The following CCDC32 variants were observed in gnomAD, a reference collection of about 807,000 sequenced individuals.
CCDC32 encodes the protein coiled-coil domain containing 32.
CCDC32 carries 9 observed loss-of-function variants against 20.1 expected under a neutral mutation model. The observed-to-expected ratio is 0.45, with a 90% confidence interval of 0.27 to 0.78. CCDC32 has a LOEUF of 0.78. Ranked by LOEUF, CCDC32 falls within the 30% of genes least tolerant of loss-of-function variation. The probability of loss-of-function intolerance (pLI) is 0.16; values close to 1 mark genes in which losing one functional copy is unlikely to be tolerated. For missense variants in CCDC32, 204 were observed against 215.5 expected (o/e 0.95, Z 0.33); for synonymous variants, 63 against 79.0 (o/e 0.80, Z 1.07).
At chr15:40,534,798 T>C, downstream of CCDC32, 1 of 671,384 alleles carries the variant, frequency 1.5e-6, no homozygotes, top group Non-Finnish European at 2.7e-6. Context: ...CAAAGTTCCA[T>C]CTCCATATAC....
intron 3 of CCDC32, among the ~76,000 whole-genome samples, chr15:40,543,418 G>A (rs1889484332): frequency 1.3e-5 from 2 of 152,086 alleles, no homozygotes; most frequent in Admixed American, 6.5e-5. Context: ...TGAGAAACTA[G>A]ATTCGTCAGC....
At chr15:40,527,118 T>C (rs1894908833), downstream of CCDC32, among the ~76,000 whole-genome samples, 1 of 151,622 alleles carries the variant, frequency 6.6e-6, no homozygotes, top group Non-Finnish European at 1.5e-5. Context: ...GCTGGGCCGA[T>C]TTTTGTATTT....
downstream of CCDC32, among the ~76,000 whole-genome samples, chr15:40,524,735 CTTTCTTTTTTTTTTTTTTTTTTTT>C (rs1262255849): frequency 1.3e-5 from 1 of 79,894 alleles, no homozygotes; most frequent in Non-Finnish European, 2.3e-5. Flanking sequence ...TGTTCTTTTT[CTTTCTTTTTTTTTTTTTTTTTTTT>C]TTTTTTTTTG....
At chr15:40,563,877 G>T (rs1478394003) in intron 1 of CCDC32, among the ~76,000 whole-genome samples, 8 of 150,194 alleles carry the variant, frequency 5.3e-5, no homozygotes, top group African/African-American at 2.0e-4. Flanking sequence ...CTGGAGTGCA[G>T]TGGCGCTAAC....
downstream of CCDC32, among the ~76,000 whole-genome samples, chr15:40,534,087 C>T (rs1160897010): frequency 6.6e-6 from 1 of 152,166 alleles, no homozygotes; most frequent in African/African-American, 2.4e-5. Flanking sequence ...ACCTGGTAAT[C>T]CCACTCCTGG....
At chr15:40,534,578 G>T (rs746689846), downstream of CCDC32, 2 of 242,710 alleles carry the variant, frequency 8.2e-6, no homozygotes, top group Non-Finnish European at 1.6e-5. Context: ...GTTACCTCCC[G>T]CTGGGTCCTT....
chr15:40,553,751 A>C lies in CCDC32; in HGVS notation c.*220T>G. 7.4e-7 allele frequency: 1 copy of C among 1,355,660 alleles called. No homozygotes were observed. 84.0% of individuals were successfully genotyped at this position (1,355,660 alleles called of 1,614,324 possible). ...CACTGGGTCAGTCACTTCATCCGAG[A>C]CAGTCACACATGCCAGCCCCAGGTA... On this transcript the variant is annotated 3_prime_UTR_variant, in exon 4 of 4. Coordinates refer to ENST00000416810, the MANE Select transcript of CCDC32 (RefSeq NM_001080792.4).
At chr15:40,524,739 C>CTTTTTTTTTTTTTTTTTTTTTTTTTT (rs758786719), downstream of CCDC32, among the ~76,000 whole-genome samples, 1 of 95,244 alleles carries the variant, frequency 1.0e-5, no homozygotes, top group Non-Finnish European at 1.9e-5. Context: ...CTTTTTCTTT[C>CTTTTTTTTTTTTTTTTTTTTTTTTTT]TTTTTTTTTT....
intron 2 of CCDC32, among the ~76,000 whole-genome samples, chr15:40,559,464 T>C (rs1890474592): frequency 6.6e-6 from 1 of 152,190 alleles, no homozygotes. Context: ...CTTTATCCAA[T>C]TGTTGCCTCT....
downstream of CCDC32, chr15:40,536,024 T>A (rs1321674750): frequency 6.6e-6 from 1 of 152,300 alleles, no homozygotes; most frequent in Non-Finnish European, 1.5e-5. Flanking sequence ...GCGACTCCCT[T>A]AATCCAGCAG....
intron 3 of CCDC32, among the ~76,000 whole-genome samples, chr15:40,546,104 C>A (rs140522694): frequency 6.6e-6 from 1 of 152,100 alleles, no homozygotes; most frequent in Admixed American, 6.6e-5. Context: ...CCTATGCCTA[C>A]CTACTGAAAA....
chr15:40,534,949 G>T (rs1024040620), downstream of CCDC32: 30 of 702,420 alleles, frequency 4.3e-5, no homozygotes, highest in Non-Finnish European at 7.5e-5. Flanking sequence ...TTGGCTGTAT[G>T]ATCTGCCACT....
chr15:40,560,132 C>T (rs540221302), intron 2 of CCDC32, among the ~76,000 whole-genome samples: 10 of 152,304 alleles, frequency 6.6e-5, no homozygotes, highest in Admixed American at 1.3e-4. Context: ...GTCTCAGCCT[C>T]CCGAGTAGCT....
At chr15:40,536,965 A>C (rs902552338), downstream of CCDC32, 3 of 152,316 alleles carry the variant, frequency 2.0e-5, no homozygotes, top group African/African-American at 7.2e-5. Context: ...GGGATTCACC[A>C]GAAAATATGG....
At chr15:40,541,337 T>A (rs1193524535) in intron 3 of CCDC32, among the ~76,000 whole-genome samples, 1 of 146,070 alleles carries the variant, frequency 6.8e-6, no homozygotes, top group African/African-American at 2.5e-5. Flanking sequence ...TGTAATATTT[T>A]TTTTTTTTTT....
At chr15:40,542,942 G>C (rs910088750) in intron 3 of CCDC32, among the ~76,000 whole-genome samples, 1 of 151,064 alleles carries the variant, frequency 6.6e-6, no homozygotes, top group Non-Finnish European at 1.5e-5. Context: ...AGGATTGTTT[G>C]AGCCCAGGAG....
downstream of CCDC32, among the ~76,000 whole-genome samples, chr15:40,531,082 T>C (rs1340148430): frequency 1.3e-5 from 2 of 151,496 alleles, no homozygotes; most frequent in Non-Finnish European, 3.0e-5. Flanking sequence ...TTCCATATTT[T>C]TTACTGCATG....
chr15:40,522,060 T>G, the CCDC32 span, among the ~76,000 whole-genome samples: 1 of 152,080 alleles, frequency 6.6e-6, no homozygotes, highest in Non-Finnish European at 1.5e-5. Flanking sequence ...CTATATTTCT[T>G]CTAAGAAATA....
chr15:40,523,609 T>C, the CCDC32 span, among the ~76,000 whole-genome samples: 4 of 152,096 alleles, frequency 2.6e-5, no homozygotes, highest in African/African-American at 9.6e-5. Context: ...TTCAGTAAAA[T>C]TGTGTTGAAC....
Sources: allele counts gnomAD v4.1 joint callset (sites outside exome capture counted in the v4.1 genomes callset), GRCh38; gene constraint gnomAD v4.1.1; transcripts MANE v1.5; gene names NCBI Gene and HGNC (gene_info 2026-07-23, HGNC 2026-07-21).